Variants in BRF1 observed in about 807,000 individuals in gnomAD.
BRF1 encodes the protein BRF1 general transcription factor IIIB subunit, also known as transcription factor IIIB 90 kDa subunit.
In BRF1, 59 loss-of-function variants were observed where a neutral mutation model predicts 81.7. The ratio of observed to expected loss-of-function variants is 0.72; its 90% CI spans 0.59 to 0.90. The LOEUF is 0.90. BRF1 is among the 40% of genes least tolerant of loss of function. BRF1 has a pLI of 0.00. For missense variants in BRF1, 1,050 were observed against 936.3 expected, an observed-to-expected ratio of 1.12 and a Z score of -1.58; for synonymous variants, 491 against 395.6, an observed-to-expected ratio of 1.24 and a Z score of -2.86.
At chr14:105,228,477 G>C (rs1022430774) in intron 7 of BRF1, among the ~76,000 whole-genome samples, 10 of 151,626 alleles carry the variant, frequency 6.6e-5, no homozygotes, top group Non-Finnish European at 1.3e-4. Context: ...CCGGGAGGCA[G>C]AGGTTACAGT....
At chr14:105,256,162 A>C (rs1452619617) in intron 4 of BRF1, 9 of 1,484,478 alleles carry the variant, frequency 6.1e-6, no homozygotes, top group Non-Finnish European at 8.1e-6. Flanking sequence ...GGTCAAAAGA[A>C]ATAATCTCCT....
At chr14:105,273,768 C>T (rs587631444) in intron 2 of BRF1, among the ~76,000 whole-genome samples, 2 of 152,330 alleles carry the variant, frequency 1.3e-5, no homozygotes, top group African/African-American at 4.8e-5. Flanking sequence ...GCACAATACA[C>T]TGCGGAAAGC....
At chr14:105,307,952 G>A (rs373674611) in intron 1 of BRF1, among the ~76,000 whole-genome samples, 3 of 152,218 alleles carry the variant, frequency 2.0e-5, no homozygotes, top group Admixed American at 2.0e-4. Flanking sequence ...GGAGGCAGAG[G>A]TGGGAGGATA....
At chr14:105,311,378 C>T (rs1595527953) in intron 1 of BRF1, among the ~76,000 whole-genome samples, 1 of 152,154 alleles carries the variant, frequency 6.6e-6, no homozygotes, top group African/African-American at 2.4e-5. Flanking sequence ...CTCAGCTTCC[C>T]AAGTCACTGG....
intron 1 of BRF1, among the ~76,000 whole-genome samples, chr14:105,289,538 C>A (rs1396372952): frequency 1.3e-5 from 2 of 152,212 alleles, no homozygotes; most frequent in African/African-American, 2.4e-5. Context: ...TGAGCCAATT[C>A]TAAATTCTGC....
intron 2 of BRF1, 42 bp from the exon 3 acceptor site, chr14:105,272,936 C>T: frequency 1.3e-6 from 2 of 1,533,722 alleles, no homozygotes; most frequent in Non-Finnish European, 1.8e-6. Flanking sequence ...AATGTTCCCA[C>T]AGAACATGAA....
rs374466915 is a variant in BRF1 at position 105,286,488 on chromosome 14, G to C, written c.185-112C>G. On this transcript the variant is annotated intron_variant, in intron 1 of 17. Coordinates refer to ENST00000547530, the MANE Select transcript of BRF1 (RefSeq NM_001519.4). ...AACAAAGCGGGGGTCAGCACTCATGGGGGAAGCAGCAGGTCGGCCCCCCGC... is the reference window on the plus strand; with the variant it reads ...AACAAAGCGGGGGTCAGCACTCATGCGGGAAGCAGCAGGTCGGCCCCCCGC... The C allele has an allele frequency of 1.2e-4, 139 of 1,131,506 alleles. No homozygotes were observed. In the African/African-American group the frequency reaches 1.8e-3, roughly 15 times the overall value. The allele number at this position is 1,131,506 out of a possible 1,614,324, so 70.1% of individuals were successfully genotyped here. A position where few individuals can be genotyped will look rare whatever the true frequency, so the allele number is the denominator to read the frequency against.
chr14:105,248,587 GGGAC>G (rs2055320720), intron 5 of BRF1: 1 of 810,728 alleles, frequency 1.2e-6, no homozygotes, highest in South Asian at 5.8e-5. Context: ...GCGGGCGGGC[GGGAC>G]GGCGCCCCCC....
chr14:105,241,593 C>G (rs976203379), intron 5 of BRF1, 179 bp from the exon 6 acceptor site: 13 of 814,206 alleles, frequency 1.6e-5, no homozygotes, highest in East Asian at 2.7e-5. Flanking sequence ...GCCATCGCAC[C>G]GAACCCAGGA....
chr14:105,214,867 C>T (rs917903683), intron 15 of BRF1, among the ~76,000 whole-genome samples: 3 of 152,148 alleles, frequency 2.0e-5, no homozygotes, highest in African/African-American at 7.2e-5. Flanking sequence ...CCAAGTGGTC[C>T]AAATCCCTTT....
At position 105,296,508 on chromosome 14, in the gene BRF1, G is replaced by A. The variant is rs144674260; in HGVS notation, c.184+3938C>T. On this transcript the variant is annotated intron_variant, in intron 1 of 17. Coordinates refer to ENST00000547530, the MANE Select transcript of BRF1 (RefSeq NM_001519.4). ...AGCCTGGGTGACAGAGCAAGACGCC[G>A]TCTCAAAAAAAAAAACAAAAAACTT... Among the ~76,000 whole-genome samples the A allele has an allele frequency of 3.3e-3, 498 of 149,050 alleles. 3 individuals carry two copies. The highest frequency in any genetic ancestry group is 0.014 in the East Asian group (72 of 5,050).
At chr14:105,211,332 A>G in intron 16 of BRF1, 39 bp from the exon 17 acceptor site, 1 of 1,530,294 alleles carries the variant, frequency 6.5e-7, no homozygotes. Context: ...CAGAGCTGGG[A>G]GCCCTGTGTA....
rs1286480414 is a variant in BRF1, at chr14:105,209,950, C to CG, written c.*600dup. ...GAGGCAGGGGTGGGGGTGTCTGCCT[C>CG]GGACGAGGCAGGTATCTGGATGCAG... On this transcript the variant is annotated 3_prime_UTR_variant, in exon 18 of 18. Transcript: ENST00000547530. 3.0e-6 allele frequency: 1 copy of CG among 332,440 alleles called. No homozygotes were observed. The highest frequency in any genetic ancestry group is 4.9e-5 in the East Asian group (1 of 20,206). The allele number at this position is 332,440 out of a possible 1,614,324, so 20.6% of individuals were successfully genotyped here.
rs961776784 is a variant in BRF1 at position 105,248,859 on chromosome 14, C to T, written c.544+3648G>A. ...AGGCGCCGAGGCTGCCCCCGCCGCC[C>T]CGCCCGCGAAGATGGCGGCGGAACT... On this transcript the variant is annotated intron_variant, in intron 5 of 17. Coordinates refer to ENST00000547530, the MANE Select transcript of BRF1 (RefSeq NM_001519.4). The T allele has an allele frequency of 9.1e-6, 9 of 990,258 alleles. No homozygotes were observed. The African/African-American group carries it at 1.6e-4, about 17-fold the overall frequency. The allele number at this position is 990,258 out of a possible 1,614,324, so 61.3% of individuals were successfully genotyped here. A position where few individuals can be genotyped will look rare whatever the true frequency, so the allele number is the denominator to read the frequency against.
intron 5 of BRF1, chr14:105,249,299 C>T (rs1325082469): frequency 1.3e-6 from 2 of 1,580,456 alleles, no homozygotes; most frequent in Middle Eastern, 1.8e-4. Context: ...CCCCGTCCGC[C>T]GTGTGGCTGA....
intron 2 of BRF1, among the ~76,000 whole-genome samples, chr14:105,279,500 C>T (rs587642998): frequency 2.0e-5 from 3 of 151,882 alleles, no homozygotes; most frequent in East Asian, 3.9e-4. Context: ...AATGCCGCAG[C>T]GAGTGTGCTA....
At chr14:105,225,366 A>T (rs1265717561) in intron 10 of BRF1, among the ~76,000 whole-genome samples, 3 of 152,210 alleles carry the variant, frequency 2.0e-5, no homozygotes, top group Non-Finnish European at 4.4e-5. Flanking sequence ...GCTAGTTCAG[A>T]CCATGATGGG....
chr14:105,288,993 G>C (rs1012797249), intron 1 of BRF1, among the ~76,000 whole-genome samples: 10 of 145,556 alleles, frequency 6.9e-5, no homozygotes, highest in African/African-American at 2.3e-4. Flanking sequence ...CTGAGATCGT[G>C]CCACTGCACT....
intron 1 of BRF1, among the ~76,000 whole-genome samples, chr14:105,292,317 G>A (rs2057550514): frequency 6.6e-6 from 1 of 152,034 alleles, no homozygotes; most frequent in African/African-American, 2.4e-5. Flanking sequence ...CCAAGTAGCT[G>A]GGATTACAGG....
Sources: allele counts gnomAD v4.1 joint callset (sites outside exome capture counted in the v4.1 genomes callset), GRCh38; gene constraint gnomAD v4.1.1; transcripts MANE v1.5; gene names NCBI Gene and HGNC (gene_info 2026-07-23, HGNC 2026-07-21).